The following NAALADL2 variants were observed in gnomAD, a reference collection of about 807,000 sequenced individuals.
NAALADL2 encodes inactive N-acetylated-alpha-linked acidic dipeptidase-like protein 2.
Under a neutral mutation model 87.2 loss-of-function variants are expected in NAALADL2, and 76 were observed. The ratio of observed to expected loss-of-function variants is 0.87; its 90% confidence interval spans 0.72 to 1.05. The LOEUF (loss-of-function observed/expected upper bound fraction) is 1.05, where lower values mean the gene tolerates loss of function less well. Ranked by LOEUF, NAALADL2 falls within the 50% of genes least tolerant of loss-of-function variation. NAALADL2 has a pLI of 0.00. For missense variants in NAALADL2, 1,089 were observed against 945.8 expected (o/e 1.15, Z -1.99); for synonymous variants, 354 against 331.0 (o/e 1.07, Z -0.75).
intron 1 of NAALADL2, chr3:175,079,233 G>A (rs1046222074): frequency 5.9e-5 from 9 of 152,014 alleles, no homozygotes; most frequent in African/African-American, 1.9e-4. Context: ...ATCTTCTTTC[G>A]AGGAATTTAT....
intron 10 of NAALADL2, among the ~76,000 whole-genome samples, chr3:175,592,084 G>A (rs1721568134): frequency 6.6e-6 from 1 of 151,928 alleles, no homozygotes; most frequent in Non-Finnish European, 1.5e-5. Context: ...TCATAGTAAT[G>A]TTCAGGGTCA....
intron 1 of NAALADL2, among the ~76,000 whole-genome samples, chr3:175,013,091 TATATAAATATAC>T (rs1560474806): frequency 6.7e-5 from 4 of 59,460 alleles, no homozygotes; most frequent in East Asian, 1.1e-3. Flanking sequence ...TACATATTTA[TATATAAATATAC>T]ATATTTATAT....
chr3:175,801,677 A>T, intron 13 of NAALADL2, among the ~76,000 whole-genome samples: 1 of 152,084 alleles, frequency 6.6e-6, no homozygotes, highest in East Asian at 1.9e-4. Flanking sequence ...ACTAGACCTT[A>T]CATCTCTACT....
At chr3:175,198,311 A>T (rs1426913538) in intron 2 of NAALADL2, among the ~76,000 whole-genome samples, 2 of 151,992 alleles carry the variant, frequency 1.3e-5, no homozygotes, top group African/African-American at 4.8e-5. Context: ...AGTGAAGGAG[A>T]TTATTTTTAA....
chr3:174,708,698 A>G (rs149062609), intron 2 of NAALADL2, among the ~76,000 whole-genome samples: 1 of 152,074 alleles, frequency 6.6e-6, no homozygotes, highest in East Asian at 1.9e-4. Context: ...CTTACCTTAC[A>G]TATGAATTCT....
rs1717516056 is a variant in NAALADL2, at chr3:174,792,030, G to A, written c.-9+54284G>A. ...TCGAGACCGGCCTGGCCAACATGGT[G>A]AAACTCTATCTCTACTAAAACAAAA... On this transcript the variant is annotated intron_variant, in intron 3 of 3. Coordinates refer to the NAALADL2 transcript ENST00000434257. Among the ~76,000 whole-genome samples the A allele has an allele frequency of 4.6e-5, 7 of 152,128 alleles. No individual in the cohort carries two copies. The South Asian group carries it at 1.0e-3, about 23-fold the overall frequency.
chr3:174,792,231 AAGAG>A (rs142507210), intron 3 of NAALADL2, among the ~76,000 whole-genome samples: 7 of 151,378 alleles, frequency 4.6e-5, no homozygotes, highest in Non-Finnish European at 1.0e-4. Context: ...AACAGAAAGA[AAGAG>A]AGAAAGAAGA....
At chr3:175,418,376 T>C (rs1322636427) in intron 5 of NAALADL2, among the ~76,000 whole-genome samples, 1 of 152,164 alleles carries the variant, frequency 6.6e-6, no homozygotes, top group African/African-American at 2.4e-5. Context: ...TGTAAGGTTA[T>C]CATCCAATGC....
At chr3:174,791,695 C>A (rs991537849) in intron 3 of NAALADL2, among the ~76,000 whole-genome samples, 14 of 152,256 alleles carry the variant, frequency 9.2e-5, no homozygotes, top group African/African-American at 3.1e-4. Context: ...ATTGTTCCTT[C>A]ACATTTTTTT....
chr3:175,195,046 C>T (rs1013798083), intron 2 of NAALADL2, among the ~76,000 whole-genome samples: 13 of 150,030 alleles, frequency 8.7e-5, no homozygotes, highest in Non-Finnish European at 1.9e-4. Flanking sequence ...TCTCTCTCTC[C>T]CTCCTCTAAG....
intron 2 of NAALADL2, among the ~76,000 whole-genome samples, chr3:175,148,637 G>A (rs530581502): frequency 6.6e-6 from 1 of 152,046 alleles, no homozygotes; most frequent in Non-Finnish European, 1.5e-5. Flanking sequence ...AAAGGTAGGG[G>A]TCCACTTTCA....
intron 1 of NAALADL2, among the ~76,000 whole-genome samples, chr3:174,895,749 AAAC>A (rs1189692314): frequency 1.3e-5 from 2 of 152,140 alleles, no homozygotes; most frequent in East Asian, 3.9e-4. Context: ...GCAAACAAAC[AAAC>A]AACTGCAGGC....
intron 1 of NAALADL2, among the ~76,000 whole-genome samples, chr3:174,456,462 C>T (rs1293735983): frequency 2.1e-5 from 3 of 141,838 alleles, no homozygotes; most frequent in Non-Finnish European, 4.5e-5. Context: ...TACCTGACTT[C>T]AAACTATACC....
chr3:175,442,321 C>T (rs1179550768), intron 5 of NAALADL2, among the ~76,000 whole-genome samples: 2 of 151,886 alleles, frequency 1.3e-5, no homozygotes, highest in East Asian at 1.9e-4. Context: ...ATACTGGTTA[C>T]TAACAGAGCA....
rs71634279 is a variant in NAALADL2, at chr3:174,765,143, CGA to C, written c.-9+27424_-9+27425del. On this transcript the variant is annotated intron_variant, in intron 3 of 3. Transcript: ENST00000434257. The stretch of plus-strand genomic sequence containing the variant: ...ACACATACACACACACACACACACA[CGA>C]GAGAGAGAGAGAGAGAGAGAGAGAG... Among the ~76,000 whole-genome samples the C allele has an allele frequency of 4.6e-3, 568 of 124,484 alleles. 1 individual carries two copies. The highest frequency in any genetic ancestry group is 8.6e-3 in the South Asian group (36 of 4,178). The allele number at this position is 124,484 out of a possible 152,430, so 81.7% of individuals were successfully genotyped here. A position where few individuals can be genotyped will look rare whatever the true frequency, so the allele number is the denominator to read the frequency against.
At chr3:175,593,981 C>CT (rs11302779) in intron 10 of NAALADL2, among the ~76,000 whole-genome samples, 3,876 of 148,300 alleles carry the variant, frequency 0.026, 90 homozygotes, top group Admixed American at 0.069. Context: ...TGTTGCTATT[C>CT]TTTTTTTTTT....
chr3:174,484,756 A>G (rs112507734), intron 1 of NAALADL2, among the ~76,000 whole-genome samples: 15 of 41,898 alleles, frequency 3.6e-4, no homozygotes, highest in Admixed American at 1.4e-3. Context: ...AGTGTGATTT[A>G]CATTATGGTA....
intron 2 of NAALADL2, among the ~76,000 whole-genome samples, chr3:174,635,487 C>T (rs540453534): frequency 3.2e-4 from 46 of 142,290 alleles, no homozygotes; most frequent in African/African-American, 1.0e-3. Context: ...TTCACATTGT[C>T]GTTGTGGTGG....
intron 5 of NAALADL2, among the ~76,000 whole-genome samples, chr3:175,390,122 T>TAA (rs1305018560): frequency 7.4e-5 from 11 of 148,318 alleles, no homozygotes; most frequent in African/African-American, 2.2e-4. Flanking sequence ...ACTTCCACTG[T>TAA]AAAAAAAAAA....
Sources: allele counts gnomAD v4.1 joint callset (sites outside exome capture counted in the v4.1 genomes callset), GRCh38; gene constraint gnomAD v4.1.1; transcripts MANE v1.5; gene names NCBI Gene and HGNC (gene_info 2026-07-23, HGNC 2026-07-21).